Variants in ADAMTS18 observed in about 807,000 individuals in gnomAD.
ADAMTS18 encodes the protein ADAM metallopeptidase with thrombospondin type 1 motif 18, also known as A disintegrin and metalloproteinase with thrombospondin motifs 18.
A neutral mutation model predicts 165.9 loss-of-function variants in ADAMTS18; 157 were observed. The observed-to-expected ratio is 0.95, with a 90% CI of 0.83 to 1.08. The LOEUF (loss-of-function observed/expected upper bound fraction) is 1.08. Ranked by LOEUF, ADAMTS18 falls within the 50% of genes least tolerant of loss-of-function variation. ADAMTS18 has a pLI of 0.00. For missense variants in ADAMTS18, 2,040 were observed against 1,534.0 expected (o/e 1.33, Z -5.51); for synonymous variants, 782 against 578.2 (o/e 1.35, Z -5.06).
intron 3 of ADAMTS18, among the ~76,000 whole-genome samples, chr16:77,418,186 G>C (rs2057554664): frequency 6.6e-6 from 1 of 152,030 alleles, no homozygotes; most frequent in Non-Finnish European, 1.5e-5. Context: ...TCGACTCCCA[G>C]CCCACACACA....
intron 3 of ADAMTS18, among the ~76,000 whole-genome samples, chr16:77,395,593 T>G (rs1474977298): frequency 2.6e-5 from 4 of 152,208 alleles, no homozygotes; most frequent in African/African-American, 7.2e-5. Flanking sequence ...TTTGAAGCAC[T>G]TGCCCCAGTT....
chr16:77,373,335 T>C (rs1015903071), intron 3 of ADAMTS18, among the ~76,000 whole-genome samples: 1 of 151,892 alleles, frequency 6.6e-6, no homozygotes, highest in South Asian at 2.1e-4. Context: ...TAGCCAGGCA[T>C]ATAGTCCCAG....
chr16:77,317,091 C>G (rs144976020), intron 16 of ADAMTS18, among the ~76,000 whole-genome samples: 3 of 152,296 alleles, frequency 2.0e-5, no homozygotes, highest in African/African-American at 4.8e-5. Context: ...CACCAACTCT[C>G]TAATTCAAAA....
intron 3 of ADAMTS18, among the ~76,000 whole-genome samples, chr16:77,378,527 T>C (rs2056986398): frequency 1.3e-5 from 2 of 151,834 alleles, no homozygotes; most frequent in African/African-American, 4.8e-5. Context: ...CTAGCCTGGC[T>C]AAAATGGCGA....
At chr16:77,394,731 T>C (rs2144797093) in intron 3 of ADAMTS18, among the ~76,000 whole-genome samples, 1 of 152,260 alleles carries the variant, frequency 6.6e-6, no homozygotes, top group East Asian at 1.9e-4. Context: ...AGCAGGCAAT[T>C]CTTATATTTT....
intron 3 of ADAMTS18, among the ~76,000 whole-genome samples, chr16:77,393,568 TTATA>T (rs1404437534): frequency 7.2e-5 from 11 of 152,252 alleles, no homozygotes; most frequent in African/African-American, 2.2e-4. Flanking sequence ...ATGAGTGCCC[TTATA>T]AAAGAGGTCC....
At position 77,297,393 on chromosome 16, in the gene ADAMTS18, A is replaced by C; in HGVS notation, c.2697T>G (p.Ile899Met). 6.2e-7 allele frequency: 1 copy of C among 1,613,330 alleles called. No homozygotes were observed. Among genetic ancestry groups the C allele is most frequent in the Non-Finnish European group, 8.5e-7 (1 of 1,179,246 alleles). The change falls in exon 18 of 23, where the codon ATT becomes ATG. Residue 899 changes from isoleucine (I) to methionine (M), a missense_variant. Coordinates refer to ENST00000282849, the MANE Select transcript of ADAMTS18 (RefSeq NM_199355.4). ...CTTGAGTATTTTGATCTCGCAAGCA[A>C]ATGGCCTTTACATTTATGTAACCTG... is the stretch of plus-strand genomic sequence containing the variant. ...CGGGYINVKA[I>M]CLRDQNTQVN...
At chr16:77,433,187 A>T (rs2057759191) in intron 2 of ADAMTS18, among the ~76,000 whole-genome samples, 1 of 152,162 alleles carries the variant, frequency 6.6e-6, no homozygotes, top group Non-Finnish European at 1.5e-5. Context: ...TGTCAAACTA[A>T]AACTTAACTA....
chr16:77,402,641 G>A (rs1283404088), intron 3 of ADAMTS18, among the ~76,000 whole-genome samples: 4 of 152,184 alleles, frequency 2.6e-5, no homozygotes, highest in Non-Finnish European at 5.9e-5. Flanking sequence ...TTATTTACAT[G>A]CCTTCCCTTC....
intron 6 of ADAMTS18, among the ~76,000 whole-genome samples, chr16:77,362,936 A>G (rs183107255): frequency 1.3e-5 from 2 of 152,312 alleles, no homozygotes; most frequent in South Asian, 2.1e-4. Context: ...TAACCAGCAC[A>G]CGCCTTTTCT....
At chr16:77,314,847 A>T (rs1330870518) in intron 16 of ADAMTS18, among the ~76,000 whole-genome samples, 1 of 135,760 alleles carries the variant, frequency 7.4e-6, no homozygotes, top group Non-Finnish European at 1.6e-5. Flanking sequence ...ATTATGGGCT[A>T]AGTATTTTGT....
At chr16:77,418,646 C>A (rs1314456121) in intron 3 of ADAMTS18, among the ~76,000 whole-genome samples, 2 of 146,638 alleles carry the variant, frequency 1.4e-5, no homozygotes, top group Non-Finnish European at 3.1e-5. Context: ...ATTTCCTAAG[C>A]AATTTTAAAT....
At chr16:77,300,707 T>C (rs61580908) in intron 16 of ADAMTS18, among the ~76,000 whole-genome samples, 14,896 of 152,054 alleles carry the variant, frequency 0.098, 1,029 homozygotes, top group East Asian at 0.22. Flanking sequence ...CTCACACACA[T>C]ATATGTATCA....
In ADAMTS18 at chr16:77,300,512, A is replaced by G. The variant is rs1434072401; in HGVS notation, c.2533-108T>C. On this transcript the variant is annotated intron_variant, in intron 16 of 22. Transcript: ENST00000282849. ...ATATTTACATGACATTTTGACCTTA[A>G]CATTGGTATACTTCATTGTTCCCAA... The G allele has an allele frequency of 4.1e-6, 5 of 1,233,984 alleles. No homozygotes were observed. The African/African-American group carries it at 7.5e-5, about 18-fold the overall frequency. 76.4% of individuals were successfully genotyped at this position (1,233,984 alleles called of 1,614,324 possible).
intron 3 of ADAMTS18, among the ~76,000 whole-genome samples, chr16:77,424,349 T>C (rs2057644010): frequency 6.6e-6 from 1 of 151,960 alleles, no homozygotes; most frequent in Non-Finnish European, 1.5e-5. Flanking sequence ...ATGCCTGTAA[T>C]CCTAGCTACT....
In ADAMTS18 at chr16:77,291,337, T is replaced by G. The variant is rs753293005; in HGVS notation, c.3331A>C (p.Asn1111His). The G allele has an allele frequency of 1.9e-6, 3 of 1,614,112 alleles. No homozygotes were observed. The highest frequency in any genetic ancestry group is 2.5e-6 in the Non-Finnish European group (3 of 1,180,036). ...KPNLDLEETC[N>H]RRACPAHPVY... ...GGATGGGCTGGGCAAGCCCGTCGGT[T>G]GCAGGTCTCTTCCAAGTCCAGATTT... Residue 1111 changes from asparagine (N) to histidine (H), a missense_variant, in exon 21 of 23, where the codon AAC becomes CAC. Transcript: ENST00000282849.
At chr16:77,378,585 T>G (rs1032694737) in intron 3 of ADAMTS18, among the ~76,000 whole-genome samples, 3 of 151,766 alleles carry the variant, frequency 2.0e-5, no homozygotes, top group Admixed American at 2.0e-4. Flanking sequence ...CATGGCGGTG[T>G]GAGCCTGTAA....
Position 77,344,055 on chromosome 16 carries a change from A to G in ADAMTS18, c.1615-2256T>C, listed in dbSNP as rs183608545. Among the ~76,000 whole-genome samples, 175 of 149,808 alleles carry G rather than the reference A, an allele frequency of 1.2e-3. 2 individuals carry two copies. The highest frequency in any genetic ancestry group is 4.1e-3 in the African/African-American group (166 of 40,762). Reference sequence around the variant, plus strand: ...ATATGCTTAGAAATATTACACAAACACTCAAAAAAAAAAGCTTTCCATGGG... The same window carrying G: ...ATATGCTTAGAAATATTACACAAACGCTCAAAAAAAAAAGCTTTCCATGGG... On this transcript the variant is annotated intron_variant, in intron 10 of 22. Coordinates refer to ENST00000282849, the MANE Select transcript of ADAMTS18 (RefSeq NM_199355.4).
chr16:77,316,497 C>G lies in ADAMTS18; in HGVS notation c.2532+3352G>C, dbSNP rs182759707. Among the ~76,000 whole-genome samples the G allele has an allele frequency of 3.3e-5, 5 of 152,172 alleles. No homozygotes were observed. In the East Asian group the frequency reaches 9.7e-4, roughly 30 times the overall value. On this transcript the variant is annotated intron_variant, in intron 16 of 22. Coordinates refer to ENST00000282849, the MANE Select transcript of ADAMTS18 (RefSeq NM_199355.4). Reference sequence around the variant, plus strand: ...TGTAAACCACCCTCTTCCTTGACATCCTGATGTTGTTAATGGGATGAAATC... The same window carrying G: ...TGTAAACCACCCTCTTCCTTGACATGCTGATGTTGTTAATGGGATGAAATC...
Sources: allele counts gnomAD v4.1 joint callset (sites outside exome capture counted in the v4.1 genomes callset), GRCh38; gene constraint gnomAD v4.1.1; transcripts MANE v1.5; gene names NCBI Gene and HGNC (gene_info 2026-07-23, HGNC 2026-07-21).